AP4B1: variants seen among roughly 807,000 people sequenced by gnomAD.
The protein encoded by AP4B1 is adaptor related protein complex 4 subunit beta 1, also known as AP-4 complex subunit beta-1.
In AP4B1, 49 loss-of-function variants were observed where a neutral mutation model predicts 76.5. The observed-to-expected ratio is 0.64, with a 90% CI of 0.51 to 0.81. The LOEUF is 0.81. Ranked by LOEUF, AP4B1 falls within the 40% of genes least tolerant of loss-of-function variation. The probability of loss-of-function intolerance (pLI) is 0.00; values close to 1 mark genes in which losing one functional copy is unlikely to be tolerated. For synonymous variants in AP4B1, 330 were observed against 333.3 expected (o/e 0.99, Z 0.11); for missense variants, 911 against 904.9 (o/e 1.01, Z -0.09).
chr1:113,900,395 G>T lies in AP4B1; in HGVS notation c.623C>A (p.Ser208Ter). ...PIAHHLLNRM[S>*]KLDQWGQAEV... Reference sequence around the variant, plus strand: ...AGCCTGGCCCCATTGGTCCAGTTTTGACATTCTATCCAAAAAACAAAACAA... The same window carrying T: ...AGCCTGGCCCCATTGGTCCAGTTTTTACATTCTATCCAAAAAACAAAACAA... Residue 208 changes from serine (S) to a stop codon, truncating the protein, a stop_gained, in exon 5 of 10, where the codon TCA (serine) becomes TAA (stop). Coordinates refer to ENST00000369569, the MANE Select transcript of AP4B1 (RefSeq NM_001253852.3). LOFTEE classifies it high-confidence loss of function. 1.2e-6 allele frequency: 2 copies of T among 1,613,494 alleles called. No individual in the cohort carries two copies. Among genetic ancestry groups the T allele is most frequent in the South Asian group, 2.2e-5 (2 of 90,962 alleles).
At position 113,899,976 on chromosome 1, in the gene AP4B1, C is replaced by A. The variant is rs150622512; in HGVS notation, c.1042G>T (p.Val348Leu). The A allele has an allele frequency of 6.8e-6, 11 of 1,614,120 alleles. No homozygotes were observed. Among genetic ancestry groups the A allele is most frequent in the Non-Finnish European group, 9.3e-6 (11 of 1,179,972 alleles). Residue 348 changes from valine (V) to leucine (L), a missense_variant, in exon 5 of 10, where the codon GTG (valine) becomes TTG (leucine). By Grantham distance (32) the Val-to-Leu change is conservative. Transcript: ENST00000369569. ...CAGTACCCTCGAAGCTCCTCTAGCACCTGCTGCACATTCTCATCGTTCACC... is the reference window on the plus strand; with the variant it reads ...CAGTACCCTCGAAGCTCCTCTAGCAACTGCTGCACATTCTCATCGTTCACC... The part of the protein sequence containing the change: ...ELVNDENVQQ[V>L]LEELRGYCTD...
rs1667335050 is a variant in AP4B1, at chr1:113,895,380, C to T, written c.1905G>A (p.Trp635Ter). 5.6e-6 allele frequency: 9 copies of T among 1,614,184 alleles called. No individual in the cohort carries two copies. Among genetic ancestry groups the T allele is most frequent in the East Asian group, 2.2e-5 (1 of 44,886 alleles). The change falls in exon 10 of 10, where the codon TGG becomes TGA. Residue 635 changes from tryptophan (W) to a stop codon, truncating the protein, a stop_gained. Coordinates refer to ENST00000369569, the MANE Select transcript of AP4B1 (RefSeq NM_001253852.3). LOFTEE classifies it high-confidence loss of function. ...QLTADYFEKT[W>*]LSLKVAHQQV... ...GCTGATGAGCAACTTTAAGGCTAAG[C>T]CAAGTTTTCTCAAAATAATCAGCAG...
At position 113,896,361 on chromosome 1, in the gene AP4B1, A is replaced by G. The variant is rs752141422; in HGVS notation, c.1407T>C (p.Phe469=). The G allele has an allele frequency of 4.3e-6, 7 of 1,614,228 alleles. No individual in the cohort carries two copies. The highest frequency in any genetic ancestry group is 5.9e-6 in the Non-Finnish European group (7 of 1,180,038). Reference sequence around the variant, plus strand: ...TGAGCAGCTCCATCTTAACAGCTGGAAATGTTTCCGACTTCACATTCTCAA... The same window carrying G: ...TGAGCAGCTCCATCTTAACAGCTGGGAATGTTTCCGACTTCACATTCTCAA... ...DFVENVKSET[F]PAVKMELLTA... is the part of the protein sequence containing the mutation. The change falls in exon 8 of 10, where the codon TTT becomes TTC. Residue 469 remains phenylalanine (F), a synonymous_variant. Transcript: ENST00000369569.
chr1:113,899,144 T>C (rs1571554673), intron 5 of AP4B1: 1 of 1,122,302 alleles, frequency 8.9e-7, no homozygotes, highest in Non-Finnish European at 1.1e-6. Flanking sequence ...AGTATTTTTG[T>C]GGGGGACACT....
chr1:113,898,134 T>C, intron 6 of AP4B1, 191 bp from the exon 7 acceptor site: 1 of 1,068,360 alleles, frequency 9.4e-7, no homozygotes. Context: ...ATATTGCTCT[T>C]ATCAGATTGA....
In AP4B1 at chr1:113,902,148, T is replaced by A. The variant is rs553149311; in HGVS notation, c.339-263A>T. 9 of 478,972 alleles carry A rather than the reference T, an allele frequency of 1.9e-5. No individual in the cohort carries two copies. In the Admixed American group the frequency reaches 2.6e-4, roughly 14 times the overall value. The allele number at this position is 478,972 out of a possible 1,614,324, so 29.7% of individuals were successfully genotyped here. A position where few individuals can be genotyped will look rare whatever the true frequency, so the allele number is the denominator to read the frequency against. On this transcript the variant is annotated intron_variant, in intron 2 of 9. Coordinates refer to ENST00000369569, the MANE Select transcript of AP4B1 (RefSeq NM_001253852.3). The stretch of plus-strand genomic sequence containing the variant: ...TTGAATTCCCGGGCCCAAGCCATCC[T>A]CCTGCCTCAGCCTTCCTAGTAGCTG...
At chr1:113,899,331 A>G in intron 5 of AP4B1, 1 of 1,014,124 alleles carries the variant, frequency 9.9e-7, no homozygotes, top group Non-Finnish European at 1.2e-6. Flanking sequence ...TTCAAATTCC[A>G]GACAGGGTAC....
chr1:113,903,851 A>G (rs1668616223), intron 1 of AP4B1, among the ~76,000 whole-genome samples: 1 of 152,228 alleles, frequency 6.6e-6, no homozygotes, highest in South Asian at 2.1e-4. Flanking sequence ...TATTAAAAAT[A>G]CAGATTCCTG....
At chr1:113,897,614 G>C (rs369944490) in intron 7 of AP4B1, 5 of 586,158 alleles carry the variant, frequency 8.5e-6, no homozygotes, top group Middle Eastern at 4.7e-4. Context: ...AAACAGAACT[G>C]TTCAAGAGAA....
chr1:113,895,422 G>C lies in AP4B1; in HGVS notation c.1863C>G (p.Val621=), dbSNP rs1325397455. Residue 621 remains valine, a synonymous_variant, in exon 10 of 10, where the codon GTC becomes GTG. Coordinates refer to ENST00000369569, the MANE Select transcript of AP4B1 (RefSeq NM_001253852.3). The part of the protein sequence containing the change: ...ELPDSGALML[V]PNRQLTADYF... ...AATCAGCAGTAAGCTGGCGATTGGG[G>C]ACTAGCATGAGGGCTCCAGAATCAG... 6.2e-7 allele frequency: 1 copy of C among 1,614,204 alleles called. No individual in the cohort carries two copies. The highest frequency in any genetic ancestry group is 8.5e-7 in the Non-Finnish European group (1 of 1,180,040).
At chr1:113,899,063 T>C (rs1483994312) in intron 5 of AP4B1, 1 of 1,268,914 alleles carries the variant, frequency 7.9e-7, no homozygotes, top group Admixed American at 3.7e-5. Context: ...GTTGAAAACT[T>C]ATAGTAACAA....
chr1:113,904,481 A>G, intron 1 of AP4B1, 124 bp downstream of exon 1: 1 of 906,472 alleles, frequency 1.1e-6, no homozygotes, highest in Non-Finnish European at 1.9e-6. Context: ...CAGCAGGACG[A>G]AGACCGAACC....
At chr1:113,904,486 C>G (rs1213890961) in intron 1 of AP4B1, 119 bp downstream of exon 1, 1 of 942,878 alleles carries the variant, frequency 1.1e-6, no homozygotes, top group African/African-American at 1.6e-5. Flanking sequence ...GGACGAAGAC[C>G]GAACCATATA....
upstream of AP4B1, chr1:113,904,861 T>C (rs1326411874): frequency 5.3e-6 from 4 of 753,426 alleles, no homozygotes; most frequent in African/African-American, 3.4e-5. Flanking sequence ...TCGGCTTCCG[T>C]AGGGCCGGCA....
chr1:113,900,179 G>T lies in AP4B1; in HGVS notation c.839C>A (p.Pro280His). 2 of 1,614,190 alleles carry T rather than the reference G, an allele frequency of 1.2e-6. No homozygotes were observed. The highest frequency in any genetic ancestry group is 1.7e-6 in the Non-Finnish European group (2 of 1,180,030). The change falls in exon 5 of 10, where the codon CCT becomes CAT. Residue 280 changes from proline to histidine, a missense_variant. By Grantham distance (77) the Pro-to-His change is moderately conservative (BLOSUM62 -2). Coordinates refer to ENST00000369569, the MANE Select transcript of AP4B1 (RefSeq NM_001253852.3). ...CTCTGAAGAACAGGCAGCTAGCAAA[G>T]GTCCCTTGACCCGCACAAGGACATC... ...QTDVLVRVKG[P>H]LLAACSSESR...
chr1:113,899,076 G>GTATT, intron 5 of AP4B1: 2 of 1,243,970 alleles, frequency 1.6e-6, no homozygotes, highest in Non-Finnish European at 2.0e-6. Flanking sequence ...AGTAACAAAG[G>GTATT]TATTTACATG....
chr1:113,899,919 C>CA lies in AP4B1; in HGVS notation c.1098dup (p.Ala367CysfsTer51). On this transcript the variant is annotated frameshift_variant, in exon 5 of 10. Coordinates refer to ENST00000369569, the MANE Select transcript of AP4B1 (RefSeq NM_001253852.3). LOFTEE classifies it high-confidence loss of function. Reference sequence around the variant, plus strand: ...AGACACCTACCTATGGCAAAGATGGCAGCCTGTGCAAAGTCCGCAGACACA... The same window carrying CA: ...AGACACCTACCTATGGCAAAGATGGCAAGCCTGTGCAAAGTCCGCAGACACA... 1 of 1,614,170 alleles carries CA rather than the reference C, an allele frequency of 6.2e-7. No individual in the cohort carries two copies. Among genetic ancestry groups the CA allele is most frequent in the Admixed American group, 1.7e-5 (1 of 60,016 alleles).
rs769312896 is a variant in AP4B1 at position 113,900,312 on chromosome 1, T to C, written c.706A>G (p.Ile236Val). The change falls in exon 5 of 10, where the codon ATT (isoleucine) becomes GTT (valine). Residue 236 changes from isoleucine to valine, a missense_variant. Transcript: ENST00000369569. ...QPRSEEELFD[I>V]LNLLDSFLKS... ...AGGAAACTATCCAACAGATTGAGAA[T>C]GTCAAATAGTTCTTCCTCACTGCGG... 3 of 1,605,962 alleles carry C rather than the reference T, an allele frequency of 1.9e-6. No individual in the cohort carries two copies. Among genetic ancestry groups the C allele is most frequent in the Non-Finnish European group, 1.7e-6 (2 of 1,175,992 alleles).
Position 113,895,822 on chromosome 1 carries a change from G to C in AP4B1, c.1727C>G (p.Ser576Cys), listed in dbSNP as rs772274000. The part of the protein sequence containing the change: ...VYGKAHWATI[S>C]KCQGAERCDP... ...ACAACGCTCTGCCCCCTGGCATTTA[G>C]AGATAGTTGCCCAGTGGGCTTTGCC... The change falls in exon 9 of 10, where the codon TCT (serine) becomes TGT (cysteine). Residue 576 changes from serine to cysteine, a missense_variant. Physicochemically the swap from Ser to Cys is moderately radical, Grantham distance 112. Coordinates refer to ENST00000369569, the MANE Select transcript of AP4B1 (RefSeq NM_001253852.3). 3.1e-6 allele frequency: 5 copies of C among 1,614,110 alleles called. No individual in the cohort carries two copies. The highest frequency in any genetic ancestry group is 3.3e-5 in the Admixed American group (2 of 60,008).
Sources: gnomAD v4.1 joint callset for allele counts (sites outside exome capture counted in the v4.1 genomes callset) on GRCh38, gnomAD v4.1.1 for gene constraint, MANE v1.5 for transcripts, NCBI Gene and HGNC (gene_info 2026-07-23, HGNC 2026-07-21) for gene names.